Variants in ALDH6A1 observed in about 807,000 individuals in gnomAD.
The protein encoded by ALDH6A1 is methylmalonate-semialdehyde/malonate-semialdehyde dehydrogenase [acylating], mitochondrial.
In ALDH6A1, 43 loss-of-function variants were observed where a neutral mutation model predicts 62.6. The ratio of observed to expected loss-of-function variants is 0.69; its 90% CI spans 0.54 to 0.89. ALDH6A1 has a LOEUF of 0.89. Ranked by LOEUF, ALDH6A1 falls within the 40% of genes least tolerant of loss-of-function variation. ALDH6A1 has a pLI of 0.00. For synonymous variants in ALDH6A1, 194 were observed against 234.2 expected, an observed-to-expected ratio of 0.83 and a Z score of 1.57; for missense variants, 551 against 661.3, an observed-to-expected ratio of 0.83 and a Z score of 1.83.
At chr14:74,063,872 A>G (rs1390226055) in intron 11 of ALDH6A1, among the ~76,000 whole-genome samples, 1 of 151,708 alleles carries the variant, frequency 6.6e-6, no homozygotes, top group East Asian at 1.9e-4. Context: ...TCTCAAAAAA[A>G]AAAAAAAAAT....
chr14:74,071,542 A>G, intron 5 of ALDH6A1, 45 bp from the exon 6 acceptor site: 3 of 1,612,526 alleles, frequency 1.9e-6, no homozygotes, highest in Non-Finnish European at 2.5e-6. Context: ...ACTGTGTACT[A>G]GTTAGCTTTG....
chr14:74,064,918 C>G lies in ALDH6A1; in HGVS notation c.1407G>C (p.Val469=), dbSNP rs1195994492. The G allele has an allele frequency of 1.2e-6, 2 of 1,612,978 alleles. No homozygotes were observed. The highest frequency in any genetic ancestry group is 2.7e-5 in the African/African-American group (2 of 74,878). The change falls in exon 11 of 12, where the codon GTG becomes GTC. Residue 469 remains valine, a splice_region_variant and synonymous_variant. Coordinates refer to ENST00000553458, the MANE Select transcript of ALDH6A1 (RefSeq NM_005589.4). ...GCACTGGAATGGGGACATTCACTCC[C>G]ACCTAAAACAGAACAAATCCGTGTC... ...KYAHLVDVGQ[V]GVNVPIPVPL...
intron 6 of ALDH6A1, 70 bp downstream of exon 6, chr14:74,071,125 T>C (rs572932777): frequency 7.1e-7 from 1 of 1,414,444 alleles, no homozygotes; most frequent in African/African-American, 1.4e-5. Flanking sequence ...TCCTAAAACA[T>C]CCAACCATCA....
chr14:74,065,627 C>G (rs2060449800), intron 9 of ALDH6A1: 1 of 411,402 alleles, frequency 2.4e-6, no homozygotes, highest in African/African-American at 2.0e-5. Flanking sequence ...AGTTCATGAC[C>G]CATCATCAGC....
In ALDH6A1 at chr14:74,060,351, A is replaced by G; in HGVS notation, c.*291T>C. ...TTTTCTCCCCTTCAAATCATCAGAA[A>G]ATGGGATAATTTTTAGAAATCAGGT... On this transcript the variant is annotated 3_prime_UTR_variant, in exon 12 of 12. Transcript: ENST00000553458. 2.8e-6 allele frequency: 1 copy of G among 354,522 alleles called. No homozygotes were observed. The highest frequency in any genetic ancestry group is 5.4e-6 in the Non-Finnish European group (1 of 186,654). 22.0% of individuals were successfully genotyped at this position (354,522 alleles called of 1,614,324 possible). A position where few individuals can be genotyped will look rare whatever the true frequency, so the allele number is the denominator to read the frequency against.
At position 74,071,244 on chromosome 14, in the gene ALDH6A1, A is replaced by C; in HGVS notation, c.681T>G (p.Asp227Glu). 2 of 1,614,182 alleles carry C rather than the reference A, an allele frequency of 1.2e-6. No homozygotes were observed. The highest frequency in any genetic ancestry group is 2.7e-5 in the African/African-American group (2 of 75,038). ...ATMLLAKLLQ[D>E]SGAPDGTLNI... ...TTAATGTTCCATCAGGGGCACCAGA[A>C]TCCTGGAGCAACTTAGCAAGAAGCA... Residue 227 changes from aspartate (D) to glutamate (E), a missense_variant, in exon 6 of 12, where the codon GAT becomes GAG. Asp to Glu is a conservative substitution (Grantham distance 45, BLOSUM62 2). Coordinates refer to ENST00000553458, the MANE Select transcript of ALDH6A1 (RefSeq NM_005589.4).
rs762511088 is a variant in ALDH6A1 at position 74,056,917 on chromosome 14, A to G, written c.*3725T>C. The G allele has an allele frequency of 1.2e-6, 2 of 1,613,168 alleles. No individual in the cohort carries two copies. The highest frequency in any genetic ancestry group is 1.7e-6 in the Non-Finnish European group (2 of 1,179,202). Reference sequence around the variant, plus strand: ...TTTACCCACTACAGGAAATACAACCAGAGTTCTAGGCCTCCAGTTCCAGAC... The same window carrying G: ...TTTACCCACTACAGGAAATACAACCGGAGTTCTAGGCCTCCAGTTCCAGAC... On this transcript the variant is annotated 3_prime_UTR_variant, in exon 12 of 12. Coordinates refer to ENST00000553458, the MANE Select transcript of ALDH6A1 (RefSeq NM_005589.4).
chr14:74,066,971 T>G, intron 8 of ALDH6A1, 85 bp from the exon 9 acceptor site: 1 of 1,342,244 alleles, frequency 7.5e-7, no homozygotes, highest in Non-Finnish European at 1.1e-6. Flanking sequence ...ATCCCAAAGC[T>G]TTAGGAGGCC....
chr14:74,081,454 G>A (rs1334192808), intron 1 of ALDH6A1, among the ~76,000 whole-genome samples: 1 of 152,128 alleles, frequency 6.6e-6, no homozygotes, highest in Non-Finnish European at 1.5e-5. Flanking sequence ...CTGTTAAGAG[G>A]ATGTAAAAAG....
chr14:74,069,231 G>A (rs2060516227), intron 6 of ALDH6A1: 1 of 390,210 alleles, frequency 2.6e-6, no homozygotes, highest in Non-Finnish European at 4.8e-6. Flanking sequence ...AGCCTCCCAA[G>A]CAGCTGGGAT....
At chr14:74,062,808 GAA>G (rs71460951) in intron 11 of ALDH6A1, among the ~76,000 whole-genome samples, 2 of 150,162 alleles carry the variant, frequency 1.3e-5, no homozygotes, top group African/African-American at 2.4e-5. Context: ...AGCTGGCACA[GAA>G]AAAAAAAATC....
At chr14:74,065,579 C>G (rs1355009885) in intron 9 of ALDH6A1, 2 of 554,158 alleles carry the variant, frequency 3.6e-6, no homozygotes, top group Non-Finnish European at 6.4e-6. Context: ...GAATTCCTAT[C>G]AACAATAACC....
chr14:74,072,753 C>T, intron 2 of ALDH6A1, 142 bp from the exon 3 acceptor site: 1 of 954,882 alleles, frequency 1.0e-6, no homozygotes, highest in South Asian at 1.5e-5. Context: ...GAAATGTTAC[C>T]ACTAGGAAAG....
intron 1 of ALDH6A1, chr14:74,082,927 A>T (rs1471231402): frequency 6.6e-6 from 1 of 152,218 alleles, no homozygotes; most frequent in Non-Finnish European, 1.5e-5. Flanking sequence ...ACTCATTGTG[A>T]TGGGAGGGGA....
chr14:74,065,351 T>C lies in ALDH6A1; in HGVS notation c.1234A>G (p.Thr412Ala). The change falls in exon 10 of 12, where the codon ACC (threonine) becomes GCC (alanine). Residue 412 changes from threonine (T) to alanine (A), a missense_variant. Transcript: ENST00000553458. ...CCAAAAATCTCCTCTTTGTAACAGGTCATATTTGGCTGCCAGGAGTGATGC... is the reference window on the plus strand; with the variant it reads ...CCAAAAATCTCCTCTTTGTAACAGGCCATATTTGGCTGCCAGGAGTGATGC... ...TIISNVKPNM[T>A]CYKEEIFGPV... 6.2e-7 allele frequency: 1 copy of C among 1,614,030 alleles called. No homozygotes were observed. Among genetic ancestry groups the C allele is most frequent in the Non-Finnish European group, 8.5e-7 (1 of 1,180,010 alleles).
intron 1 of ALDH6A1, among the ~76,000 whole-genome samples, chr14:74,077,453 A>C (rs543693753): frequency 2.0e-5 from 3 of 152,316 alleles, no homozygotes; most frequent in Admixed American, 6.5e-5. Flanking sequence ...GGGAAGTTCA[A>C]GGGAATGGCT....
At position 74,084,448 on chromosome 14, in the gene ALDH6A1, A is replaced by G. The variant is rs1282693355; in HGVS notation, c.-54T>C. On this transcript the variant is annotated 5_prime_UTR_variant, in exon 1 of 12. Transcript: ENST00000553458. ...CGCGCCTCTACTGCCCAGAAGCACT[A>G]CAGCTGCCAGGCCTCGCCCTCCATC... 1.2e-6 allele frequency: 2 copies of G among 1,602,372 alleles called. No individual in the cohort carries two copies. Among genetic ancestry groups the G allele is most frequent in the Non-Finnish European group, 8.5e-7 (1 of 1,176,016 alleles).
Position 74,075,029 on chromosome 14 carries a change from A to G in ALDH6A1, c.49-12T>C, listed in dbSNP as rs1180503213. The G allele has an allele frequency of 1.9e-6, 3 of 1,613,318 alleles. No homozygotes were observed. The highest frequency in any genetic ancestry group is 1.7e-5 in the Admixed American group (1 of 60,016). On this transcript the variant is annotated splice_polypyrimidine_tract_variant and intron_variant, in intron 1 of 11. Transcript: ENST00000553458. ...ACCTTGGAAGAAACCTGTGAGGCAA[A>G]AGAACGATTATTTTGATAAATGAGA...
At position 74,065,321 on chromosome 14, in the gene ALDH6A1, C is replaced by T. The variant is rs1372046241; in HGVS notation, c.1264G>A (p.Val422Ile). 6.2e-7 allele frequency: 1 copy of T among 1,614,080 alleles called. No individual in the cohort carries two copies. The highest frequency in any genetic ancestry group is 8.5e-7 in the Non-Finnish European group (1 of 1,180,004). ...GTTTCTGTCTCCAGAACCACAAGAA[C>T]TGGACCAAAAATCTCCTCTTTGTAA... ...TCYKEEIFGP[V>I]LVVLETETLD... The change falls in exon 10 of 12, where the codon GTT (valine) becomes ATT (isoleucine). Residue 422 changes from valine (V) to isoleucine (I), a missense_variant. By Grantham distance (29) the Val-to-Ile change is conservative. Transcript: ENST00000553458.
Sources: allele counts gnomAD v4.1 joint callset (sites outside exome capture counted in the v4.1 genomes callset), GRCh38; gene constraint gnomAD v4.1.1; transcripts MANE v1.5; gene names NCBI Gene and HGNC (gene_info 2026-07-23, HGNC 2026-07-21).